The following PLEKHA7 variants were observed in gnomAD, a reference collection of about 807,000 sequenced individuals.
The protein encoded by PLEKHA7 is pleckstrin homology domain containing A7, also known as pleckstrin homology domain-containing family A member 7.
PLEKHA7 carries 104 observed loss-of-function variants against 170.0 expected under a neutral mutation model. That is an observed-to-expected ratio of 0.61 (90% CI 0.52 to 0.72). The LOEUF (loss-of-function observed/expected upper bound fraction) is 0.72, where lower values mean the gene tolerates loss of function less well. Among genes scored for constraint, PLEKHA7 ranks in the 30% least tolerant of loss-of-function variants. The pLI is 0.00. For missense variants in PLEKHA7, 1,615 were observed against 1,671.7 expected, an observed-to-expected ratio of 0.97 and a Z score of 0.59; for synonymous variants, 648 against 660.8, an observed-to-expected ratio of 0.98 and a Z score of 0.30.
intron 8 of PLEKHA7, among the ~76,000 whole-genome samples, chr11:16,847,379 A>G (rs1241779999): frequency 3.3e-5 from 5 of 152,078 alleles, no homozygotes; most frequent in Non-Finnish European, 5.9e-5. Flanking sequence ...GGCTTGAGCC[A>G]CCACGCCCGG....
chr11:16,856,017 A>G (rs1853422085), intron 4 of PLEKHA7, 103 bp from the exon 5 acceptor site: 3 of 914,006 alleles, frequency 3.3e-6, no homozygotes, highest in Non-Finnish European at 5.2e-6. Flanking sequence ...GCCTTAGAAC[A>G]ACCCAACCCT....
chr11:16,817,451 C>A lies in PLEKHA7; in HGVS notation c.1344-129G>T. 1 of 904,650 alleles carries A rather than the reference C, an allele frequency of 1.1e-6. No individual in the cohort carries two copies. Among genetic ancestry groups the A allele is most frequent in the Non-Finnish European group, 1.6e-6 (1 of 630,154 alleles). The allele number at this position is 904,650 out of a possible 1,614,324, so 56.0% of individuals were successfully genotyped here. A position where few individuals can be genotyped will look rare whatever the true frequency, so the allele number is the denominator to read the frequency against. On this transcript the variant is annotated intron_variant, in intron 10 of 26. Transcript: ENST00000531066. The surrounding 1 kb of genome is among the most constrained non-coding windows in gnomAD (Gnocchi z 4.4). ...CCTGTAAGAACCTCAAAAGAATGATCAAGGCCGACATCCAGGACTTCAGTC... is the reference window on the plus strand; with the variant it reads ...CCTGTAAGAACCTCAAAAGAATGATAAAGGCCGACATCCAGGACTTCAGTC...
At chr11:16,846,111 C>T (rs986929667) in intron 8 of PLEKHA7, among the ~76,000 whole-genome samples, 2 of 151,976 alleles carry the variant, frequency 1.3e-5, no homozygotes, top group African/African-American at 4.8e-5. Context: ...ATGGTGAAAC[C>T]CAGTCTCTAC....
chr11:16,820,468 G>A (rs1049104217), intron 10 of PLEKHA7, among the ~76,000 whole-genome samples: 1 of 152,192 alleles, frequency 6.6e-6, no homozygotes, highest in African/African-American at 2.4e-5. Flanking sequence ...CCACTAGGTG[G>A]CAGGGTTTGC....
intron 3 of PLEKHA7, among the ~76,000 whole-genome samples, chr11:16,997,604 G>T (rs1432064209): frequency 6.6e-6 from 1 of 152,142 alleles, no homozygotes; most frequent in Non-Finnish European, 1.5e-5. Flanking sequence ...CCCAAAGCCT[G>T]CCTCAGCTAG....
chr11:16,778,961 A>G lies in PLEKHA7; in HGVS notation c.*37T>C, dbSNP rs1486798952. On this transcript the variant is annotated 3_prime_UTR_variant, in exon 27 of 27. Transcript: ENST00000531066. ...CATCTCCTTGGAGGAAGCTGGTTCC[A>G]CTGGGCCCCTGGCTCCAGGCTTCTT... 9 of 702,492 alleles carry G rather than the reference A, an allele frequency of 1.3e-5. No individual in the cohort carries two copies. The highest frequency in any genetic ancestry group is 5.4e-5 in the East Asian group (2 of 37,290). 43.5% of individuals were successfully genotyped at this position (702,492 alleles called of 1,614,324 possible). A position where few individuals can be genotyped will look rare whatever the true frequency, so the allele number is the denominator to read the frequency against.
At chr11:16,892,619 C>CTTTTTTTTTT (rs10674972) in intron 3 of PLEKHA7, among the ~76,000 whole-genome samples, 34 of 82,398 alleles carry the variant, frequency 4.1e-4, no homozygotes, top group South Asian at 5.6e-4. Context: ...CTTCCAGCTT[C>CTTTTTTTTTT]TTTTTTTTTT....
rs762654491 is a variant in PLEKHA7, at chr11:16,817,327, G to A, written c.1344-5C>T. 6.2e-7 allele frequency: 1 copy of A among 1,602,520 alleles called. No individual in the cohort carries two copies. The highest frequency in any genetic ancestry group is 1.1e-5 in the South Asian group (1 of 90,236). Reference sequence around the variant, plus strand: ...AGCGTCTGGTCCAAGGGAAGACTGAGGAGAAAGGGTAAGAACGGGTCAGGC... The same window carrying A: ...AGCGTCTGGTCCAAGGGAAGACTGAAGAGAAAGGGTAAGAACGGGTCAGGC... On this transcript the variant is annotated splice_polypyrimidine_tract_variant and splice_region_variant and intron_variant, in intron 10 of 26. Transcript: ENST00000531066. This position sits in a 1 kb window ranked among gnomAD's most constrained non-coding sequence, Gnocchi z 4.4.
At chr11:16,900,130 G>C (rs1362639603) in intron 3 of PLEKHA7, among the ~76,000 whole-genome samples, 2 of 152,198 alleles carry the variant, frequency 1.3e-5, no homozygotes, top group African/African-American at 4.8e-5. Context: ...TCACTGTCCA[G>C]CCAGAGAAAT....
intron 3 of PLEKHA7, among the ~76,000 whole-genome samples, chr11:16,889,008 T>C (rs1856419825): frequency 7.6e-6 from 1 of 131,354 alleles, no homozygotes; most frequent in Non-Finnish European, 1.6e-5. Flanking sequence ...TCAGCTATTG[T>C]AACCCCTGTG....
At chr11:16,996,361 T>C (rs2136998415) in intron 3 of PLEKHA7, among the ~76,000 whole-genome samples, 1 of 152,214 alleles carries the variant, frequency 6.6e-6, no homozygotes, top group Non-Finnish European at 1.5e-5. Context: ...GCCCTCAACA[T>C]GGAGACAGTA....
chr11:16,782,173 C>CCACA (rs1554909725), intron 26 of PLEKHA7, among the ~76,000 whole-genome samples: 81 of 151,266 alleles, frequency 5.4e-4, no homozygotes, highest in African/African-American at 1.9e-3. Context: ...ACACACACAC[C>CCACA]CACACACACA....
intron 3 of PLEKHA7, among the ~76,000 whole-genome samples, chr11:16,889,420 A>AATATATATAT (rs1554964151): frequency 1.5e-4 from 11 of 74,662 alleles, no homozygotes; most frequent in Admixed American, 1.9e-4. Context: ...AAAAAAAAAA[A>AATATATATAT]ATATATATAT....
At chr11:16,983,718 G>A (rs1456227361) in intron 3 of PLEKHA7, among the ~76,000 whole-genome samples, 1 of 152,176 alleles carries the variant, frequency 6.6e-6, no homozygotes, top group Non-Finnish European at 1.5e-5. Context: ...CAAAGAATCA[G>A]TCACCTTCTC....
chr11:16,951,467 A>G (rs1349644953), intron 3 of PLEKHA7, among the ~76,000 whole-genome samples: 2 of 152,162 alleles, frequency 1.3e-5, no homozygotes, highest in Non-Finnish European at 2.9e-5. Flanking sequence ...TGTCTCACTG[A>G]ATCCTTATCT....
intron 4 of PLEKHA7, among the ~76,000 whole-genome samples, chr11:16,856,708 C>A (rs530736272): frequency 6.6e-6 from 1 of 152,188 alleles, no homozygotes; most frequent in African/African-American, 2.4e-5. Flanking sequence ...TCCACAGATC[C>A]CCAGCATTTG....
In PLEKHA7 at chr11:16,786,332, T is replaced by G. The variant is rs772870276; in HGVS notation, c.3413A>C (p.Glu1138Ala). ...GCCATTCTCCTCCTTGTCCTTTTTT[T>G]CCCCTTGCACGACCCGTTCCAGCAA... ...LQLLERVVQGEKKDKEENGWL... is the reference protein window; with the variant it reads ...LQLLERVVQGAKKDKEENGWL... Residue 1138 changes from glutamate (E) to alanine (A), a missense_variant, in exon 24 of 27, where the codon GAA (glutamate) becomes GCA (alanine). Coordinates refer to ENST00000531066, the MANE Select transcript of PLEKHA7 (RefSeq NM_001329630.2). 6.5e-7 allele frequency: 1 copy of G among 1,536,026 alleles called. No individual in the cohort carries two copies. Among genetic ancestry groups the G allele is most frequent in the East Asian group, 2.4e-5 (1 of 40,932 alleles).
chr11:16,893,945 G>A (rs1270008186), intron 3 of PLEKHA7, among the ~76,000 whole-genome samples: 1 of 152,208 alleles, frequency 6.6e-6, no homozygotes, highest in Admixed American at 6.5e-5. Context: ...GATGCTTCCA[G>A]TGTTGATGCT....
rs115782288 is a variant in PLEKHA7, at chr11:16,985,242, C to T, written c.221+28747G>A. On this transcript the variant is annotated intron_variant, in intron 3 of 26. Coordinates refer to ENST00000531066, the MANE Select transcript of PLEKHA7 (RefSeq NM_001329630.2). ...GAATAAACCAACCCACTCCTAGGCA[C>T]CTAGTTGTGTCCTTACATTTTGATT... Among the ~76,000 whole-genome samples the T allele has an allele frequency of 5.1e-3, 782 of 152,334 alleles. 8 individuals carry two copies. Among genetic ancestry groups the T allele is most frequent in the African/African-American group, 0.018 (752 of 41,570 alleles).
Sources: gnomAD v4.1 joint callset for allele counts (sites outside exome capture counted in the v4.1 genomes callset) on GRCh38, gnomAD v4.1.1 for gene constraint, Gnocchi (gnomAD v3.1) non-coding constraint, MANE v1.5 for transcripts, NCBI Gene and HGNC (gene_info 2026-07-23, HGNC 2026-07-21) for gene names.